KIF24: variants seen among roughly 807,000 people sequenced by gnomAD.
The protein encoded by KIF24 is kinesin-like protein KIF24.
KIF24 carries 81 observed loss-of-function variants against 118.9 expected under a neutral mutation model. The observed-to-expected ratio is 0.68, with a 90% confidence interval of 0.57 to 0.82. KIF24 has a LOEUF of 0.82. Among genes scored for constraint, KIF24 ranks in the 40% least tolerant of loss-of-function variants. KIF24 has a pLI of 0.00. For synonymous variants in KIF24, 599 were observed against 610.0 expected (o/e 0.98, Z 0.27); for missense variants, 1,560 against 1,661.6 (o/e 0.94, Z 1.06).
intron 3 of KIF24, among the ~76,000 whole-genome samples, chr9:34,299,461 T>C (rs528563869): frequency 3.0e-4 from 46 of 152,058 alleles, no homozygotes; most frequent in African/African-American, 1.1e-3. Flanking sequence ...GGATTACAGG[T>C]GTGAGCCCAT....
intron 3 of KIF24, among the ~76,000 whole-genome samples, chr9:34,306,048 T>A (rs1836902360): frequency 6.6e-6 from 1 of 152,174 alleles, no homozygotes; most frequent in African/African-American, 2.4e-5. Context: ...GTATCCCCTA[T>A]TGCACCGTCT....
At chr9:34,316,217 A>C (rs1303025703) in intron 1 of KIF24, among the ~76,000 whole-genome samples, 1 of 148,196 alleles carries the variant, frequency 6.7e-6, no homozygotes, top group Non-Finnish European at 1.5e-5. Flanking sequence ...GTGTGGTGGC[A>C]AGTGCCTGTA....
At chr9:34,319,530 A>G (rs762732178) in intron 1 of KIF24, 2 of 1,199,618 alleles carry the variant, frequency 1.7e-6, no homozygotes, top group Non-Finnish European at 2.5e-6. Context: ...GGAGCTGCGC[A>G]GCCCCAAGCT....
At chr9:34,254,952 T>C (rs1461849595) in intron 12 of KIF24, 120 bp downstream of exon 12, 7 of 680,954 alleles carry the variant, frequency 1.0e-5, no homozygotes, top group Middle Eastern at 5.1e-4. Flanking sequence ...GCCTCAGTTA[T>C]GGTTAGTGTG....
intron 9 of KIF24, among the ~76,000 whole-genome samples, chr9:34,260,141 T>G (rs1408232351): frequency 6.6e-6 from 1 of 152,188 alleles, no homozygotes; most frequent in Non-Finnish European, 1.5e-5. Context: ...GGAGGATCGC[T>G]TGAGCCCAGG....
At chr9:34,316,483 T>G (rs1340075094) in intron 1 of KIF24, among the ~76,000 whole-genome samples, 1 of 152,190 alleles carries the variant, frequency 6.6e-6, no homozygotes, top group Non-Finnish European at 1.5e-5. Flanking sequence ...CCCAAAGTAA[T>G]GGCAACATCC....
At chr9:34,294,929 TG>T (rs946927455) in intron 4 of KIF24, among the ~76,000 whole-genome samples, 2 of 152,146 alleles carry the variant, frequency 1.3e-5, no homozygotes, top group Non-Finnish European at 2.9e-5. Context: ...TACAGATATT[TG>T]TTACTCACGT....
chr9:34,283,019 T>C (rs1587935929), intron 6 of KIF24, among the ~76,000 whole-genome samples: 1 of 123,364 alleles, frequency 8.1e-6, no homozygotes, highest in Non-Finnish European at 1.6e-5. Flanking sequence ...GCCATTGCAC[T>C]CCAGCGTGGG....
At chr9:34,308,765 G>C (rs1372908564) in intron 2 of KIF24, among the ~76,000 whole-genome samples, 1 of 152,108 alleles carries the variant, frequency 6.6e-6, no homozygotes, top group Non-Finnish European at 1.5e-5. Context: ...GGAGCAAAAA[G>C]ACATGCATGT....
At chr9:34,299,823 CGT>C (rs34056151) in intron 3 of KIF24, among the ~76,000 whole-genome samples, 32,907 of 133,018 alleles carry the variant, frequency 0.25, 4,034 homozygotes, top group East Asian at 0.62. Context: ...TGTGTGTGTG[CGT>C]GTGTGTGTGT....
rs909045657 is a variant in KIF24, at chr9:34,318,902, C to T, written c.-25-7531G>A. On this transcript the variant is annotated intron_variant, in intron 1 of 12. Transcript: ENST00000402558. The surrounding 1 kb of genome is among the most constrained non-coding windows in gnomAD (Gnocchi z 4.9). ...CTCCAAGATCAATTTCCATGACAAG[C>T]GCAGTGCGCTGCAGTCCATCCACGA... 44 of 1,590,890 alleles carry T rather than the reference C, an allele frequency of 2.8e-5. No homozygotes were observed. In the African/African-American group the frequency reaches 3.4e-4, roughly 12 times the overall value.
chr9:34,275,460 T>C (rs747305508), intron 6 of KIF24, among the ~76,000 whole-genome samples: 2 of 151,880 alleles, frequency 1.3e-5, no homozygotes, highest in Non-Finnish European at 2.9e-5. Context: ...CCCAGAACTT[T>C]GGGAGGCTGA....
At chr9:34,264,434 G>GAA (rs1022492345) in intron 8 of KIF24, among the ~76,000 whole-genome samples, 3 of 122,564 alleles carry the variant, frequency 2.4e-5, no homozygotes, top group Non-Finnish European at 3.5e-5. Flanking sequence ...CGTCTCAAGA[G>GAA]AAAAAAAAAA....
chr9:34,282,601 G>C (rs1835886634), intron 6 of KIF24: 1 of 151,890 alleles, frequency 6.6e-6, no homozygotes, highest in Admixed American at 6.6e-5. Context: ...CCATCTCCCT[G>C]TTCCAAAAAT....
chr9:34,252,512 A>G lies in KIF24; in HGVS notation c.*1868T>C, dbSNP rs1170681975. The G allele has an allele frequency of 6.6e-6, 1 of 152,654 alleles. No homozygotes were observed. The highest frequency in any genetic ancestry group is 2.4e-5 in the African/African-American group (1 of 41,460). 9.5% of individuals were successfully genotyped at this position (152,654 alleles called of 1,614,324 possible). ...TCTTCAGAGAGAACTACTAATAAAAATCTAAAAGGTATGTCTTGGTGTGAT... is the reference window on the plus strand; with the variant it reads ...TCTTCAGAGAGAACTACTAATAAAAGTCTAAAAGGTATGTCTTGGTGTGAT... On this transcript the variant is annotated 3_prime_UTR_variant, in exon 13 of 13. Coordinates refer to ENST00000402558, the MANE Select transcript of KIF24 (RefSeq NM_194313.4).
intron 4 of KIF24, among the ~76,000 whole-genome samples, chr9:34,295,641 G>A (rs1223972179): frequency 6.6e-6 from 1 of 152,128 alleles, no homozygotes; most frequent in Non-Finnish European, 1.5e-5. Context: ...TTGCACCACT[G>A]CACTTTGGCC....
intron 1 of KIF24, chr9:34,319,132 C>CA: frequency 6.5e-7 from 1 of 1,541,398 alleles, no homozygotes; most frequent in Non-Finnish European, 9.0e-7. Flanking sequence ...CAGGCCTCTA[C>CA]AACTACTATG....
chr9:34,262,548 T>C (rs1835095200), intron 9 of KIF24, among the ~76,000 whole-genome samples: 2 of 146,944 alleles, frequency 1.4e-5, no homozygotes, highest in Admixed American at 6.8e-5. Context: ...GGCTTATGCC[T>C]GTAATCCCAG....
At chr9:34,282,361 G>A (rs771553967) in intron 6 of KIF24, among the ~76,000 whole-genome samples, 4 of 152,130 alleles carry the variant, frequency 2.6e-5, no homozygotes, top group African/African-American at 4.8e-5. Context: ...TGGTTGCCAG[G>A]CACTGGGGGC....
Sources: gnomAD v4.1 joint callset for allele counts (sites outside exome capture counted in the v4.1 genomes callset) on GRCh38, gnomAD v4.1.1 for gene constraint, Gnocchi (gnomAD v3.1) non-coding constraint, MANE v1.5 for transcripts, NCBI Gene and HGNC (gene_info 2026-07-23, HGNC 2026-07-21) for gene names.